TRMT11: variants seen among roughly 807,000 people sequenced by gnomAD.
The protein encoded by TRMT11 is tRNA methyltransferase 11.
A neutral mutation model predicts 62.8 loss-of-function variants in TRMT11; 53 were observed. The ratio of observed to expected loss-of-function variants is 0.84; its 90% CI spans 0.68 to 1.06. The LOEUF (loss-of-function observed/expected upper bound fraction) is 1.06. TRMT11 is among the 50% of genes least tolerant of loss of function. The pLI is 0.00. For synonymous variants in TRMT11, 188 were observed against 190.3 expected (o/e 0.99, Z 0.10); for missense variants, 556 against 553.4 (o/e 1.00, Z -0.05).
chr6:126,236,110 C>T, the TRMT11 span, among the ~76,000 whole-genome samples: 3 of 152,204 alleles, frequency 2.0e-5, no homozygotes, highest in Non-Finnish European at 2.9e-5. Context: ...TAAGCTTTCT[C>T]TTATGTGGAA....
downstream of TRMT11, among the ~76,000 whole-genome samples, chr6:126,205,667 A>G (rs1402811782): frequency 2.0e-5 from 3 of 152,154 alleles, no homozygotes; most frequent in African/African-American, 7.2e-5. Flanking sequence ...GAAAACATCT[A>G]TGTTCTTTCC....
intron 17 of TRMT11, among the ~76,000 whole-genome samples, chr6:126,073,396 A>AGCAC (rs1258369947): frequency 1.3e-5 from 2 of 152,236 alleles, no homozygotes; most frequent in African/African-American, 4.8e-5. Flanking sequence ...CATTGAATGC[A>AGCAC]GCACGCCAAA....
chr6:126,131,257 T>G (rs1156454746), intron 21 of TRMT11, among the ~76,000 whole-genome samples: 4 of 152,086 alleles, frequency 2.6e-5, no homozygotes. Context: ...GAGCAAATTT[T>G]GACCATGTCA....
chr6:125,998,121 C>G lies in TRMT11; in HGVS notation c.281C>G (p.Pro94Arg). The G allele has an allele frequency of 1.2e-6, 2 of 1,613,400 alleles. No individual in the cohort carries two copies. The highest frequency in any genetic ancestry group is 1.7e-6 in the Non-Finnish European group (2 of 1,179,454). The change falls in exon 4 of 13, where the codon CCT becomes CGT. Residue 94 changes from proline to arginine, a missense_variant. Physicochemically the swap from Pro to Arg is moderately radical, Grantham distance 103 (BLOSUM62 -2). Coordinates refer to ENST00000334379, the MANE Select transcript of TRMT11 (RefSeq NM_001031712.3). ...EELYSSLKNY[P>R]VEKMVPFLHS... is the part of the protein sequence containing the mutation. ...CTGTACAGTTCTCTTAAAAACTACCCTGTGGAGAAGATGGTGCGTAGTAAA... is the reference window on the plus strand; with the variant it reads ...CTGTACAGTTCTCTTAAAAACTACCGTGTGGAGAAGATGGTGCGTAGTAAA...
At chr6:126,194,282 A>G (rs1778639408) in intron 1 of TRMT11, among the ~76,000 whole-genome samples, 1 of 152,124 alleles carries the variant, frequency 6.6e-6, no homozygotes, top group Non-Finnish European at 1.5e-5. Context: ...ATTGCAGCCT[A>G]TCTCTCCCTT....
At chr6:126,002,047 T>C (rs1792582849) in intron 7 of TRMT11, among the ~76,000 whole-genome samples, 1 of 152,184 alleles carries the variant, frequency 6.6e-6, no homozygotes, top group South Asian at 2.1e-4. Flanking sequence ...CCTTTTTTCT[T>C]TGGAGTACTT....
chr6:126,094,173 T>C (rs1777314759), intron 17 of TRMT11, among the ~76,000 whole-genome samples: 1 of 152,100 alleles, frequency 6.6e-6, no homozygotes, highest in Admixed American at 6.6e-5. Context: ...TTTGATGAAA[T>C]GACTGGGGTG....
chr6:125,992,647 G>C (rs1790805506), intron 1 of TRMT11, among the ~76,000 whole-genome samples: 1 of 152,160 alleles, frequency 6.6e-6, no homozygotes, highest in Admixed American at 6.5e-5. Flanking sequence ...ACTAAAAGTT[G>C]GAGGATTTAA....
intron 1 of TRMT11, chr6:125,987,038 G>C (rs1378986275): frequency 5.5e-6 from 1 of 182,654 alleles, no homozygotes; most frequent in Non-Finnish European, 1.1e-5. Context: ...AAGTTGAGAA[G>C]AGTGTTTTAT....
At chr6:126,269,823 TAAGA>T in the TRMT11 span, among the ~76,000 whole-genome samples, 1 of 152,104 alleles carries the variant, frequency 6.6e-6, no homozygotes, top group Non-Finnish European at 1.5e-5. Context: ...ACCTATTATA[TAAGA>T]AAGATGGAGG....
chr6:126,038,589 T>A, intron 12 of TRMT11, 116 bp from the exon 13 acceptor site: 2 of 770,470 alleles, frequency 2.6e-6, no homozygotes, highest in Non-Finnish European at 4.0e-6. Context: ...TGAAGGAAGA[T>A]AAATATGCAC....
At chr6:126,144,121 C>T (rs1223347173) in intron 21 of TRMT11, among the ~76,000 whole-genome samples, 2 of 152,184 alleles carry the variant, frequency 1.3e-5, no homozygotes, top group Non-Finnish European at 2.9e-5. Flanking sequence ...TTCTCCATTT[C>T]ACGGTCTGGT....
At chr6:126,020,187 C>T (rs1274804011) in intron 11 of TRMT11, among the ~76,000 whole-genome samples, 2 of 152,166 alleles carry the variant, frequency 1.3e-5, no homozygotes, top group Non-Finnish European at 2.9e-5. Context: ...CTAATCAGCA[C>T]CTTTGCTATT....
the TRMT11 span, among the ~76,000 whole-genome samples, chr6:126,251,470 G>A: frequency 8.5e-5 from 13 of 152,054 alleles, no homozygotes; most frequent in African/African-American, 3.1e-4. Context: ...TCATTTTTGT[G>A]TGAAAAGTGT....
At position 125,998,111 on chromosome 6, in the gene TRMT11, A is replaced by T; in HGVS notation, c.271A>T (p.Lys91Ter). The change falls in exon 4 of 13, where the codon AAA becomes TAA. Residue 91 changes from lysine to a stop codon, truncating the protein, a stop_gained. Coordinates refer to ENST00000334379, the MANE Select transcript of TRMT11 (RefSeq NM_001031712.3). LOFTEE classifies it high-confidence loss of function. ...TCCTGAGGAGCTGTACAGTTCTCTT[A>T]AAAACTACCCTGTGGAGAAGATGGT... ...QSPEELYSSL[K>*]NYPVEKMVPF... 6.2e-7 allele frequency: 1 copy of T among 1,613,636 alleles called. No individual in the cohort carries two copies. Among genetic ancestry groups the T allele is most frequent in the South Asian group, 1.1e-5 (1 of 91,068 alleles).
chr6:126,130,487 GT>G (rs1777768826), intron 21 of TRMT11, among the ~76,000 whole-genome samples: 1 of 152,080 alleles, frequency 6.6e-6, no homozygotes, highest in Admixed American at 6.6e-5. Context: ...AAGTCAGAAT[GT>G]TCTTCTGCCT....
intron 1 of TRMT11, among the ~76,000 whole-genome samples, chr6:126,182,709 C>G (rs1456001077): frequency 6.6e-6 from 1 of 152,086 alleles, no homozygotes; most frequent in Non-Finnish European, 1.5e-5. Context: ...TGCAGGTAGG[C>G]AGACAGCTTT....
chr6:126,267,103 G>T, the TRMT11 span, among the ~76,000 whole-genome samples: 2 of 152,120 alleles, frequency 1.3e-5, no homozygotes, highest in African/African-American at 2.4e-5. Flanking sequence ...AACTCTAGAA[G>T]GAATATGGTC....
intron 17 of TRMT11, among the ~76,000 whole-genome samples, chr6:126,076,377 C>T (rs1483688051): frequency 2.6e-5 from 4 of 152,256 alleles, no homozygotes; most frequent in African/African-American, 9.6e-5. Flanking sequence ...TGAATGTGTC[C>T]TTTGGAAAAT....
Sources: gnomAD v4.1 joint callset for allele counts (sites outside exome capture counted in the v4.1 genomes callset) on GRCh38, gnomAD v4.1.1 for gene constraint, MANE v1.5 for transcripts, NCBI Gene and HGNC (gene_info 2026-07-23, HGNC 2026-07-21) for gene names.